The following LTBP1 variants were observed in gnomAD, a reference collection of about 807,000 sequenced individuals.
LTBP1 encodes latent transforming growth factor beta binding protein 1, also known as latent-transforming growth factor beta-binding protein 1.
In LTBP1, 129 loss-of-function variants were observed where a neutral mutation model predicts 207.6. The observed-to-expected ratio is 0.62, with a 90% CI of 0.54 to 0.72. The LOEUF (loss-of-function observed/expected upper bound fraction) is 0.72, where lower values mean the gene tolerates loss of function less well. Ranked by LOEUF, LTBP1 falls within the 30% of genes least tolerant of loss-of-function variation. The probability of loss-of-function intolerance (pLI) is 0.00; values close to 1 mark genes in which losing one functional copy is unlikely to be tolerated. For synonymous variants in LTBP1, 963 were observed against 833.7 expected (o/e 1.16, Z -2.67); for missense variants, 2,281 against 2,217.2 (o/e 1.03, Z -0.58).
chr2:32,952,394 CA>C (rs1314987907), intron 2 of LTBP1, among the ~76,000 whole-genome samples: 1 of 152,186 alleles, frequency 6.6e-6, no homozygotes, highest in Non-Finnish European at 1.5e-5. Flanking sequence ...GTTCCTTTTC[CA>C]GACACCATTT....
Position 33,304,615 on chromosome 2 carries a change from T to G in LTBP1, c.3481+2971T>G, listed in dbSNP as rs2094054606. Among the ~76,000 whole-genome samples, 8 of 152,224 alleles carry G rather than the reference T, an allele frequency of 5.3e-5. No individual in the cohort carries two copies. In the South Asian group the frequency reaches 1.7e-3, roughly 32 times the overall value. ...CCTCAATTGTCCTCATTCTTAGGAG[T>G]CTGGAGCATCTCAGCTTTCAAAGGC... On this transcript the variant is annotated intron_variant, in intron 22 of 33. Transcript: ENST00000404816.
chr2:33,266,831 A>G (rs1288763085), intron 15 of LTBP1, among the ~76,000 whole-genome samples: 2 of 152,130 alleles, frequency 1.3e-5, no homozygotes, highest in African/African-American at 4.8e-5. Flanking sequence ...TTCTTCCTGG[A>G]TGTGGGACAA....
At chr2:33,307,965 G>T (rs551398147) in intron 22 of LTBP1, among the ~76,000 whole-genome samples, 2 of 152,296 alleles carry the variant, frequency 1.3e-5, no homozygotes, top group East Asian at 3.9e-4. Flanking sequence ...GAACCAGACA[G>T]CCGGGCGTAT....
intron 19 of LTBP1, among the ~76,000 whole-genome samples, chr2:33,285,387 A>G (rs1187602300): frequency 2.0e-5 from 3 of 150,194 alleles, no homozygotes; most frequent in Middle Eastern, 3.2e-3. Flanking sequence ...TTTGAAGCTC[A>G]TGTCATATAG....
At position 33,219,337 on chromosome 2, in the gene LTBP1, G is replaced by C. The variant is rs369104062; in HGVS notation, c.1804+1683G>C. Among the ~76,000 whole-genome samples the C allele has an allele frequency of 5.3e-5, 8 of 152,256 alleles. No individual in the cohort carries two copies. In the East Asian group the frequency reaches 1.5e-3, roughly 29 times the overall value. On this transcript the variant is annotated intron_variant, in intron 8 of 33. Coordinates refer to ENST00000404816, the MANE Select transcript of LTBP1 (RefSeq NM_206943.4). ...AGTAGGTTGAGTGTGATGGTTCATC[G>C]TCACTGGAAGATCCATTTGCTTAAA...
intron 5 of LTBP1, among the ~76,000 whole-genome samples, chr2:33,149,390 T>C (rs1221374662): frequency 1.3e-5 from 2 of 152,140 alleles, no homozygotes; most frequent in African/African-American, 4.8e-5. Flanking sequence ...TAGACCCTGT[T>C]TCCTATTTTG....
chr2:33,129,785 G>A (rs1479618540), intron 4 of LTBP1, among the ~76,000 whole-genome samples: 1 of 152,046 alleles, frequency 6.6e-6, no homozygotes, highest in Non-Finnish European at 1.5e-5. Context: ...TATCACTGTT[G>A]TAGCAATTGT....
chr2:33,134,644 T>A lies in LTBP1; in HGVS notation c.1034-149T>A. The A allele has an allele frequency of 6.5e-7, 1 of 1,546,454 alleles. No individual in the cohort carries two copies. Among genetic ancestry groups the A allele is most frequent in the Non-Finnish European group, 8.7e-7 (1 of 1,147,454 alleles). On this transcript the variant is annotated intron_variant, in intron 4 of 33. Transcript: ENST00000404816. The surrounding 1 kb of genome is among the most constrained non-coding windows in gnomAD (Gnocchi z 4.4). Reference sequence around the variant, plus strand: ...AGCGAGCACTGAAGGCTTCCCTCTTTCCTTAAACCTGTCGGGTTGTGGGCT... The same window carrying A: ...AGCGAGCACTGAAGGCTTCCCTCTTACCTTAAACCTGTCGGGTTGTGGGCT...
intron 32 of LTBP1, among the ~76,000 whole-genome samples, chr2:33,393,594 A>G (rs1184390440): frequency 1.3e-5 from 2 of 152,062 alleles, no homozygotes; most frequent in Non-Finnish European, 2.9e-5. Context: ...TTTCAGCTTC[A>G]TCCATGTCCC....
At chr2:33,212,927 C>T (rs1300521508) in intron 7 of LTBP1, among the ~76,000 whole-genome samples, 1 of 152,196 alleles carries the variant, frequency 6.6e-6, no homozygotes, top group African/African-American at 2.4e-5. Flanking sequence ...TAGTCCCAAG[C>T]GTTTTAGATC....
At position 33,274,819 on chromosome 2, in the gene LTBP1, A is replaced by G; in HGVS notation, c.2744-146A>G. ...GGAACAATCCTTCAAGTACGCGAGGAGAAAGATCGTGTCTCCTTTTGCTGT... is the reference window on the plus strand; with the variant it reads ...GGAACAATCCTTCAAGTACGCGAGGGGAAAGATCGTGTCTCCTTTTGCTGT... On this transcript the variant is annotated intron_variant, in intron 16 of 33. Transcript: ENST00000404816. The G allele has an allele frequency of 5.6e-6, 4 of 713,194 alleles. No homozygotes were observed. In the East Asian group the frequency reaches 1.1e-4, roughly 19 times the overall value. 44.2% of individuals were successfully genotyped at this position (713,194 alleles called of 1,614,324 possible).
intron 3 of LTBP1, among the ~76,000 whole-genome samples, chr2:33,088,870 GACAGGCTGGGT>G (rs1273850618): frequency 6.6e-6 from 1 of 151,962 alleles, no homozygotes; most frequent in Non-Finnish European, 1.5e-5. Flanking sequence ...GAAAATGCGT[GACAGGCTGGGT>G]ACAGGGGCTC....
At chr2:33,190,443 A>T (rs2087735106) in intron 7 of LTBP1, among the ~76,000 whole-genome samples, 1 of 152,156 alleles carries the variant, frequency 6.6e-6, no homozygotes, top group Non-Finnish European at 1.5e-5. Context: ...CAATGGTAAG[A>T]TTGTCACCTT....
intron 26 of LTBP1, among the ~76,000 whole-genome samples, chr2:33,359,490 G>A (rs766073279): frequency 1.4e-4 from 21 of 152,170 alleles, no homozygotes; most frequent in Non-Finnish European, 1.2e-4. Context: ...ACAAAGGTAA[G>A]TGTAAGTATG....
chr2:33,043,454 C>G (rs1012821091), intron 3 of LTBP1, among the ~76,000 whole-genome samples: 5 of 152,108 alleles, frequency 3.3e-5, no homozygotes, highest in African/African-American at 1.2e-4. Flanking sequence ...TGCATCTTGC[C>G]ATGCTATATT....
intron 24 of LTBP1, among the ~76,000 whole-genome samples, chr2:33,342,577 C>T (rs1418178662): frequency 6.6e-6 from 1 of 152,220 alleles, no homozygotes; most frequent in Non-Finnish European, 1.5e-5. Flanking sequence ...TTGCAGCCAT[C>T]ATTTCAGTCT....
chr2:33,232,708 T>C (rs1220388870), intron 9 of LTBP1, among the ~76,000 whole-genome samples: 1 of 152,184 alleles, frequency 6.6e-6, no homozygotes. Flanking sequence ...TATTTGAAAT[T>C]CAAATTTGAC....
At chr2:33,228,343 T>C (rs910781194) in intron 9 of LTBP1, among the ~76,000 whole-genome samples, 2 of 152,252 alleles carry the variant, frequency 1.3e-5, no homozygotes, top group Non-Finnish European at 2.9e-5. Flanking sequence ...TTAAGTTTTC[T>C]ATTTAAAGTA....
intron 3 of LTBP1, among the ~76,000 whole-genome samples, chr2:33,064,998 T>A (rs1321534442): frequency 1.3e-5 from 2 of 152,216 alleles, no homozygotes; most frequent in Admixed American, 6.5e-5. Flanking sequence ...AGGGTGAAAG[T>A]ATGTTATTTT....
Sources: gnomAD v4.1 joint callset for allele counts (sites outside exome capture counted in the v4.1 genomes callset) on GRCh38, gnomAD v4.1.1 for gene constraint, Gnocchi (gnomAD v3.1) non-coding constraint, MANE v1.5 for transcripts, NCBI Gene and HGNC (gene_info 2026-07-23, HGNC 2026-07-21) for gene names.